Variants in FOXD4L1 observed in about 807,000 individuals in gnomAD.
The protein encoded by FOXD4L1 is forkhead box D4 like 1.
Under a neutral mutation model 24.8 loss-of-function variants are expected in FOXD4L1, and 10 were observed. The observed-to-expected ratio is 0.40, with a 90% CI of 0.25 to 0.68. The LOEUF is 0.68. Among genes scored for constraint, FOXD4L1 ranks in the 30% least tolerant of loss-of-function variants. The probability of loss-of-function intolerance (pLI) is 0.37; values close to 1 mark genes in which losing one functional copy is unlikely to be tolerated. For missense variants in FOXD4L1, 364 were observed against 572.4 expected, an observed-to-expected ratio of 0.64 and a Z score of 3.72; for synonymous variants, 159 against 256.4, an observed-to-expected ratio of 0.62 and a Z score of 3.63.
rs1477895188 is a variant in FOXD4L1, at chr2:113,500,121, C to G, written c.865C>G (p.Leu289Val). 15 of 1,517,736 alleles carry G rather than the reference C, an allele frequency of 9.9e-6. 2 individuals carry two copies. The highest frequency in any genetic ancestry group is 1.3e-5 in the Non-Finnish European group (15 of 1,129,126). The allele number at this position is 1,517,736 out of a possible 1,614,324, so 94.0% of individuals were successfully genotyped here. The change falls in exon 1 of 1, where the codon CTG becomes GTG. Residue 289 changes from leucine to valine, a missense_variant. Coordinates refer to ENST00000306507, the Ensembl canonical transcript of FOXD4L1. ...ACCGAAGAAAGCAGAAGGCGCGGAC[C>G]TGGCGACCCCCGGCACCCTTCCCGT... is the stretch of plus-strand genomic sequence containing the variant.
exon 1 of FOXD4L1, chr2:113,501,046 A>G (rs1371693278): frequency 1.9e-5 from 3 of 158,212 alleles, no homozygotes; most frequent in Non-Finnish European, 4.4e-5. Context: ...TAATTTCAGA[A>G]CATTGATTTC....
exon 1 of FOXD4L1, chr2:113,499,552 C>A (rs1456028360): frequency 6.2e-7 from 1 of 1,607,734 alleles, no homozygotes; most frequent in Admixed American, 1.7e-5. Context: ...GCGGCGGCCT[C>A]TGAAGATGCC....
chr2:113,499,417 C>T, exon 1 of FOXD4L1: 1 of 1,605,928 alleles, frequency 6.2e-7, no homozygotes, highest in East Asian at 2.3e-5. Flanking sequence ...CTAGAGCAGT[C>T]GCTCCAGCCG....
At chr2:113,500,376 G>C (rs1682421239) in exon 1 of FOXD4L1, 1 of 1,519,780 alleles carries the variant, frequency 6.6e-7, no homozygotes. Context: ...AGCATCAGGA[G>C]GAGGACTGCG....
Sources: gnomAD v4.1 joint callset for allele counts on GRCh38, gnomAD v4.1.1 for gene constraint, MANE v1.5 for transcripts, NCBI Gene and HGNC (gene_info 2026-07-23, HGNC 2026-07-21) for gene names.